Variants in ITPKB observed in about 807,000 individuals in gnomAD.
ITPKB encodes the protein IP3 3-kinase B.
Under a neutral mutation model 69.4 loss-of-function variants are expected in ITPKB, and 13 were observed. The ratio of observed to expected loss-of-function variants is 0.19; its 90% CI spans 0.12 to 0.30. The LOEUF is 0.30. ITPKB is among the 10% of genes least tolerant of loss of function. ITPKB has a pLI of 1.00. For synonymous variants in ITPKB, 584 were observed against 513.7 expected (o/e 1.14, Z -1.85); for missense variants, 1,240 against 1,250.5 (o/e 0.99, Z 0.13).
chr1:226,658,268 C>T (rs1669334019), intron 2 of ITPKB, among the ~76,000 whole-genome samples: 1 of 152,214 alleles, frequency 6.6e-6, no homozygotes, highest in African/African-American at 2.4e-5. Context: ...CGGTGGCCAA[C>T]TTTGTTCATT....
chr1:226,733,097 C>T (rs1657641210), intron 2 of ITPKB, among the ~76,000 whole-genome samples: 1 of 152,042 alleles, frequency 6.6e-6, no homozygotes, highest in South Asian at 2.1e-4. Context: ...CATTTCAGAC[C>T]TGTGTGAGTG....
chr1:226,680,044 A>ACGTT (rs1224744527), intron 2 of ITPKB, among the ~76,000 whole-genome samples: 2 of 152,206 alleles, frequency 1.3e-5, no homozygotes, highest in Non-Finnish European at 2.9e-5. Context: ...CGACCAGCTT[A>ACGTT]CGGAACCAAC....
chr1:226,649,571 ATGAG>A (rs1300391419), intron 2 of ITPKB, among the ~76,000 whole-genome samples: 1 of 151,118 alleles, frequency 6.6e-6, no homozygotes, highest in African/African-American at 2.4e-5. Flanking sequence ...ATATGTGTGC[ATGAG>A]TGTGTGCGTG....
At chr1:226,639,471 G>A (rs1399282092) in intron 6 of ITPKB, 86 bp downstream of exon 6, 7 of 910,976 alleles carry the variant, frequency 7.7e-6, no homozygotes, top group Non-Finnish European at 1.3e-5. Flanking sequence ...GGGGTGCCTT[G>A]TCCTCCCCAT....
At chr1:226,732,730 T>G (rs12738771) in intron 2 of ITPKB, among the ~76,000 whole-genome samples, 40,057 of 152,058 alleles carry the variant, frequency 0.26, 6,599 homozygotes, top group South Asian at 0.39. Context: ...TTTTTAGTTG[T>G]CAGAAAGAAC....
intron 2 of ITPKB, among the ~76,000 whole-genome samples, chr1:226,649,868 T>G (rs1258082861): frequency 1.3e-5 from 2 of 151,588 alleles, no homozygotes; most frequent in Non-Finnish European, 2.9e-5. Context: ...AAAAAACATA[T>G]TTTTAGAAAA....
chr1:226,732,599 A>C (rs1257643431), intron 2 of ITPKB, among the ~76,000 whole-genome samples: 1 of 151,170 alleles, frequency 6.6e-6, no homozygotes, highest in Non-Finnish European at 1.5e-5. Context: ...ATAAATCAAT[A>C]AAAATCTATT....
chr1:226,645,633 C>A (rs1669045479), intron 4 of ITPKB, among the ~76,000 whole-genome samples: 1 of 152,198 alleles, frequency 6.6e-6, no homozygotes, highest in African/African-American at 2.4e-5. Context: ...CTGCTGCTGT[C>A]TGGGTTGGAA....
intron 2 of ITPKB, among the ~76,000 whole-genome samples, chr1:226,696,905 A>G (rs1268399988): frequency 6.6e-6 from 1 of 152,182 alleles, no homozygotes; most frequent in East Asian, 1.9e-4. Context: ...ATTCCCAGGA[A>G]AAAACCCAGC....
intron 2 of ITPKB, among the ~76,000 whole-genome samples, chr1:226,713,119 CAT>C (rs1164675210): frequency 6.6e-6 from 1 of 152,148 alleles, no homozygotes; most frequent in Non-Finnish European, 1.5e-5. Flanking sequence ...TATACACACA[CAT>C]ACATACACAC....
rs1468931526 is a variant in ITPKB at position 226,642,654 on chromosome 1, C to A, written c.2247-529G>T. Reference sequence around the variant, plus strand: ...GCAGGGGGTGTCGGGGGTGGCTGGTCCTGATCCTGCTGCTACGGTGGAGCT... The same window carrying A: ...GCAGGGGGTGTCGGGGGTGGCTGGTACTGATCCTGCTGCTACGGTGGAGCT... On this transcript the variant is annotated intron_variant, in intron 4 of 7. Coordinates refer to ENST00000429204, the MANE Select transcript of ITPKB (RefSeq NM_002221.4). The surrounding 1 kb of genome is among the most constrained non-coding windows in gnomAD (Gnocchi z 6.4). Among the ~76,000 whole-genome samples, 2 of 152,036 alleles carry A rather than the reference C, an allele frequency of 1.3e-5. No individual in the cohort carries two copies. The highest frequency in any genetic ancestry group is 4.8e-5 in the African/African-American group (2 of 41,386).
chr1:226,653,804 C>T (rs1669238331), intron 2 of ITPKB, among the ~76,000 whole-genome samples: 2 of 152,182 alleles, frequency 1.3e-5, no homozygotes, highest in African/African-American at 4.8e-5. Flanking sequence ...AGGTAACCCC[C>T]GGCCTCACAG....
At chr1:226,672,772 A>G (rs1211384672) in intron 2 of ITPKB, among the ~76,000 whole-genome samples, 1 of 152,208 alleles carries the variant, frequency 6.6e-6, no homozygotes, top group African/African-American at 2.4e-5. Flanking sequence ...GGGCGAAGAA[A>G]TCTATCTCCT....
chr1:226,652,113 T>C (rs532246348), intron 2 of ITPKB, among the ~76,000 whole-genome samples: 472 of 152,314 alleles, frequency 3.1e-3, no homozygotes, highest in South Asian at 6.2e-3. Context: ...CAGTGCCTAA[T>C]GTCACTGCCA....
At chr1:226,666,934 C>G (rs1669514607) in intron 2 of ITPKB, among the ~76,000 whole-genome samples, 1 of 152,168 alleles carries the variant, frequency 6.6e-6, no homozygotes, top group African/African-American at 2.4e-5. Flanking sequence ...TGGGCTGTTG[C>G]AAAACTGATC....
Position 226,639,791 on chromosome 1 carries a change from G to T in ITPKB, c.2452-133C>A, listed in dbSNP as rs141006067. ...GGGCAGGGCCAGTGGAGGCACCCAG[G>T]TGTCCACGTATGGCGCATGGAGGTG... On this transcript the variant is annotated intron_variant, in intron 5 of 7. Transcript: ENST00000429204. 910 of 683,240 alleles carry T rather than the reference G, an allele frequency of 1.3e-3. 3 individuals are homozygous for T. The highest frequency in any genetic ancestry group is 9.5e-3 in the African/African-American group (542 of 56,914). The allele number at this position is 683,240 out of a possible 1,614,324, so 42.3% of individuals were successfully genotyped here.
In ITPKB at chr1:226,736,766, C is replaced by T. The variant is rs760483884; in HGVS notation, c.693G>A (p.Lys231=). The T allele has an allele frequency of 6.2e-7, 1 of 1,613,094 alleles. No individual in the cohort carries two copies. Among genetic ancestry groups the T allele is most frequent in the Non-Finnish European group, 8.5e-7 (1 of 1,180,010 alleles). The change falls in exon 2 of 8, where the codon AAG becomes AAA. Residue 231 remains lysine (K), a synonymous_variant. Coordinates refer to ENST00000429204, the MANE Select transcript of ITPKB (RefSeq NM_002221.4). ...GGCCGGGAAGAGGTGGCATTCCTTT[C>T]TTCACCTGCGAGGAGCATAGGCTGG... The part of the protein sequence containing the change: ...GGPSLCSSQV[K]KGMPPLPGRA...
rs199906592 is a variant in ITPKB, at chr1:226,649,699, TC to T, written c.1933-929del. Among the ~76,000 whole-genome samples the T allele has an allele frequency of 3.2e-5, 3 of 95,136 alleles. No homozygotes were observed. In the African/African-American group the frequency reaches 3.2e-4, roughly 10 times the overall value. 62.4% of individuals were successfully genotyped at this position (95,136 alleles called of 152,430 possible). On this transcript the variant is annotated intron_variant, in intron 2 of 7. Transcript: ENST00000429204. ...TTTCTCAATGAGCATGCAAGTCAAT[TC>T]TTTTCTATTTCCATCTGGTGGAGCC...
chr1:226,736,112 C>T lies in ITPKB; in HGVS notation c.1347G>A (p.Thr449=). The T allele has an allele frequency of 3.1e-6, 5 of 1,599,556 alleles. No individual in the cohort carries two copies. The South Asian group carries it at 4.5e-5, about 14-fold the overall frequency. ...LSDRVEGGSP[T]LGLLGGSPSA... Reference sequence around the variant, plus strand: ...AGGGGCTGCCCCCAAGCAAGCCCAGCGTTGGGGACCCTCCCTCCACTCTGT... The same window carrying T: ...AGGGGCTGCCCCCAAGCAAGCCCAGTGTTGGGGACCCTCCCTCCACTCTGT... The change falls in exon 2 of 8, where the codon ACG becomes ACA. Residue 449 remains threonine, a synonymous_variant. Coordinates refer to ENST00000429204, the MANE Select transcript of ITPKB (RefSeq NM_002221.4).
Sources: gnomAD v4.1 joint callset for allele counts (sites outside exome capture counted in the v4.1 genomes callset) on GRCh38, gnomAD v4.1.1 for gene constraint, Gnocchi (gnomAD v3.1) non-coding constraint, MANE v1.5 for transcripts, NCBI Gene and HGNC (gene_info 2026-07-23, HGNC 2026-07-21) for gene names.